The following FAT2 variants were observed in gnomAD, a reference collection of about 807,000 sequenced individuals.
FAT2 encodes protocadherin Fat 2.
Under a neutral mutation model 295.3 loss-of-function variants are expected in FAT2, and 150 were observed. That is an observed-to-expected ratio of 0.51 (90% CI 0.44 to 0.58). The LOEUF (loss-of-function observed/expected upper bound fraction) is 0.58, where lower values mean the gene tolerates loss of function less well. Among genes scored for constraint, FAT2 ranks in the 20% least tolerant of loss-of-function variants. The pLI is 0.00. For synonymous variants in FAT2, 2,026 were observed against 2,150.3 expected, an observed-to-expected ratio of 0.94 and a Z score of 1.60; for missense variants, 4,868 against 5,442.7, an observed-to-expected ratio of 0.89 and a Z score of 3.32.
chr5:151,525,551 CCT>C (rs35518077), intron 18 of FAT2, among the ~76,000 whole-genome samples: 5,334 of 152,308 alleles, frequency 0.035, 294 homozygotes, highest in African/African-American at 0.12. Context: ...ACTTAAATCC[CCT>C]GTGTTCCTCA....
chr5:151,548,501 G>A (rs1257998191), intron 9 of FAT2, among the ~76,000 whole-genome samples: 2 of 151,812 alleles, frequency 1.3e-5, no homozygotes, highest in Non-Finnish European at 1.5e-5. Flanking sequence ...TCTTTTTTGA[G>A]ATGGAGTCTT....
At chr5:151,506,679 CA>C (rs893070004) in intron 23 of FAT2, among the ~76,000 whole-genome samples, 1 of 152,158 alleles carries the variant, frequency 6.6e-6, no homozygotes, top group Admixed American at 6.5e-5. Flanking sequence ...ATGATTATGC[CA>C]AAACATGAAG....
chr5:151,588,879 T>C (rs1294859783), intron 1 of FAT2, among the ~76,000 whole-genome samples: 2 of 152,154 alleles, frequency 1.3e-5, no homozygotes, highest in Non-Finnish European at 2.9e-5. Flanking sequence ...CCCTCATTTC[T>C]CACATCAATT....
At chr5:151,560,804 A>G (rs184423445) in intron 3 of FAT2, among the ~76,000 whole-genome samples, 4 of 152,366 alleles carry the variant, frequency 2.6e-5, no homozygotes, top group African/African-American at 9.6e-5. Flanking sequence ...ACCTTTAAAC[A>G]TTTGCTGAGT....
At chr5:151,591,582 A>C (rs1759408616), upstream of FAT2, among the ~76,000 whole-genome samples, 1 of 152,182 alleles carries the variant, frequency 6.6e-6, no homozygotes, top group South Asian at 2.1e-4. Context: ...CCCAGGTCAC[A>C]CAGTCACACA....
intron 20 of FAT2, among the ~76,000 whole-genome samples, chr5:151,515,317 G>T: frequency 6.6e-6 from 1 of 152,182 alleles, no homozygotes; most frequent in East Asian, 1.9e-4. Context: ...ATGTTGGAGG[G>T]TCTCAAGGAG....
In FAT2 at chr5:151,540,546, C is replaced by T. The variant is rs539202901; in HGVS notation, c.9039+21G>A. 2.5e-6 allele frequency: 4 copies of T among 1,597,032 alleles called. No individual in the cohort carries two copies. The South Asian group carries it at 4.5e-5, about 18-fold the overall frequency. On this transcript the variant is annotated intron_variant, in intron 11 of 23. Coordinates refer to ENST00000261800, the MANE Select transcript of FAT2 (RefSeq NM_001447.3). Reference sequence around the variant, plus strand: ...TCTTCCTTGCCTTCACTACCCACTCCACCCCTCGCCAGGCTCTCACCTGTG... The same window carrying T: ...TCTTCCTTGCCTTCACTACCCACTCTACCCCTCGCCAGGCTCTCACCTGTG...
Position 151,507,399 on chromosome 5 carries a change from A to C in FAT2, c.12272T>G (p.Val4091Gly). The C allele has an allele frequency of 6.2e-7, 1 of 1,614,218 alleles. No homozygotes were observed. The highest frequency in any genetic ancestry group is 1.7e-5 in the Admixed American group (1 of 60,032). ...AGGCATGGCTTGGGTGTCAACACCA[A>C]CACTCCTGGCCAGGAGGTCTGGGTC... ...MEDPDLLARS[V>G]GVDTQAMPAI... is the part of the protein sequence containing the mutation. Residue 4091 changes from valine to glycine, a missense_variant, in exon 23 of 24, where the codon GTT becomes GGT. Around this residue, in one of 5 missense-constraint regions of FAT2, gnomAD observed 492 missense variants for 482.6 expected, o/e 1.02. Transcript: ENST00000261800.
rs147038630 is a variant in FAT2, at chr5:151,512,287, G to A, written c.11783C>T (p.Pro3928Leu). ...VNEEALDLLAPGKTVAGLLET... is the reference protein window; with the variant it reads ...VNEEALDLLALGKTVAGLLET... ...CAGCAAGCCTGCCACCGTCTTGCCA[G>A]GGGCCAGCAGATCTAGAGCCTCTTC... Residue 3928 changes from proline to leucine, a missense_variant, in exon 21 of 24, where the codon CCT (proline) becomes CTT (leucine). By Grantham distance (98) the Pro-to-Leu change is moderately conservative. Coordinates refer to ENST00000261800, the MANE Select transcript of FAT2 (RefSeq NM_001447.3). The surrounding 1 kb of genome is among the most constrained non-coding windows in gnomAD (Gnocchi z 4.1). The A allele has an allele frequency of 2.2e-5, 35 of 1,614,114 alleles. No homozygotes were observed. The highest frequency in any genetic ancestry group is 4.0e-5 in the African/African-American group (3 of 74,938).
Position 151,505,989 on chromosome 5 carries a change from C to T in FAT2, c.12626G>A (p.Arg4209His), listed in dbSNP as rs202102338. 188 of 1,572,520 alleles carry T rather than the reference C, an allele frequency of 1.2e-4. No homozygotes were observed. In the East Asian group the frequency reaches 3.9e-3, roughly 32 times the overall value. ...TGGCATCACGACTGGGGTTGAGTGG[C>T]GGTGAGCCGAGGGCGGCAGAGGGCC... is the stretch of plus-strand genomic sequence containing the variant. ...TQGPLPPSAH[R>H]HSTPVVMPEP... Residue 4209 changes from arginine (R) to histidine (H), a missense_variant, in exon 24 of 24, where the codon CGC becomes CAC. Transcript: ENST00000261800.
intron 1 of FAT2, among the ~76,000 whole-genome samples, chr5:151,572,926 C>T (rs1198932874): frequency 1.3e-5 from 2 of 152,240 alleles, no homozygotes; most frequent in Non-Finnish European, 2.9e-5. Flanking sequence ...CTTGGCTCCT[C>T]AGGCCCAGAA....
chr5:151,516,840 T>A (rs562780009), intron 20 of FAT2, among the ~76,000 whole-genome samples: 1 of 152,188 alleles, frequency 6.6e-6, no homozygotes, highest in Admixed American at 6.5e-5. Context: ...GGGCAGTGGT[T>A]CATGCCTGTA....
Position 151,531,635 on chromosome 5 carries a change from C to T in FAT2, c.9763G>A (p.Val3255Met), listed in dbSNP as rs2127591151. ...RPGAEKTGYRVVSGNEQGRFR... is the reference protein window; with the variant it reads ...RPGAEKTGYRMVSGNEQGRFR... ...CTGCCTTGCTCGTTCCCGCTGACCA[C>T]GCGGTAGCCGGTCTTCTCTGCGCCC... The change falls in exon 14 of 24, where the codon GTG becomes ATG. Residue 3255 changes from valine (V) to methionine (M), a missense_variant. Around this residue, in one of 5 missense-constraint regions of FAT2, gnomAD observed 1,046 missense variants for 1,210.1 expected, o/e 0.86. Transcript: ENST00000261800. This position sits in a 1 kb window ranked among gnomAD's most constrained non-coding sequence, Gnocchi z 5.7. 1 of 1,613,544 alleles carries T rather than the reference C, an allele frequency of 6.2e-7. No individual in the cohort carries two copies. The highest frequency in any genetic ancestry group is 1.7e-5 in the Admixed American group (1 of 60,012).
intron 2 of FAT2, 36 bp downstream of exon 2, chr5:151,565,637 T>C: frequency 6.6e-7 from 1 of 1,526,670 alleles, no homozygotes; most frequent in Non-Finnish European, 8.8e-7. Context: ...CATCTACCTC[T>C]GGCCCTGGCA....
Position 151,540,678 on chromosome 5 carries a change from ATGCT to A in FAT2, c.8924_8927del (p.Glu2975ValfsTer56). The A allele has an allele frequency of 6.2e-7, 1 of 1,614,218 alleles. No homozygotes were observed. Among genetic ancestry groups the A allele is most frequent in the African/African-American group, 1.3e-5 (1 of 75,046 alleles). ...TGACTCTGAGCAAGTACTTGGCTGT[ATGCT>A]CGCGGTCCAGGGTCTTCCTTGAGGA... On this transcript the variant is annotated frameshift_variant, in exon 11 of 24. Transcript: ENST00000261800. LOFTEE classifies it high-confidence loss of function.
chr5:151,536,996 T>TC (rs1199950113), intron 12 of FAT2, among the ~76,000 whole-genome samples: 1 of 152,122 alleles, frequency 6.6e-6, no homozygotes, highest in South Asian at 2.1e-4. Flanking sequence ...GAGTGCCCTT[T>TC]CCCCCACTCT....
In FAT2 at chr5:151,554,611, G is replaced by A. The variant is rs1757522738; in HGVS notation, c.3696C>T (p.Ile1232=). The change falls in exon 5 of 24, where the codon ATC becomes ATT. Residue 1232 remains isoleucine (I), a synonymous_variant. Transcript: ENST00000261800. The part of the protein sequence containing the change: ...LKSTSRVVVG[I]LDVNDNPPIF... ...TAGGTGGATTGTCATTGACGTCCAA[G>A]ATGCCTACCACCACCCTGGAGGTGG... 1 of 1,614,040 alleles carries A rather than the reference G, an allele frequency of 6.2e-7. No individual in the cohort carries two copies. Among genetic ancestry groups the A allele is most frequent in the Admixed American group, 1.7e-5 (1 of 60,006 alleles).
rs935729381 is a variant in FAT2 at position 151,551,266 on chromosome 5, C to G, written c.4296+201G>C. On this transcript the variant is annotated intron_variant, in intron 7 of 23. Transcript: ENST00000261800. ...AAAACTGCTCATTTAAACAAGCTTC[C>G]AATTATAGACAGATCCAGAGTGGGA... 5.3e-5 allele frequency among the ~76,000 whole-genome samples: 8 copies of G among 152,266 alleles called. 1 individual carries two copies. In the Middle Eastern group the frequency reaches 0.027, roughly 518 times the overall value.
chr5:151,593,263 C>T (rs1351453940), upstream of FAT2, among the ~76,000 whole-genome samples: 2 of 152,190 alleles, frequency 1.3e-5, no homozygotes, highest in African/African-American at 2.4e-5. Context: ...CCCCACGGGC[C>T]CTTTGATTAG....
Sources: allele counts gnomAD v4.1 joint callset (sites outside exome capture counted in the v4.1 genomes callset), GRCh38; gene constraint gnomAD v4.1.1; regional missense constraint gnomAD v4.1.1; non-coding constraint Gnocchi (gnomAD v3.1); transcripts MANE v1.5; gene names NCBI Gene and HGNC (gene_info 2026-07-23, HGNC 2026-07-21).